Variants in CDIN1 observed in about 807,000 individuals in gnomAD.
CDIN1 encodes CDAN1-interacting nuclease 1.
In CDIN1, 33 loss-of-function variants were observed where a neutral mutation model predicts 45.3. The observed-to-expected ratio is 0.73, with a 90% confidence interval of 0.55 to 0.97. The LOEUF (loss-of-function observed/expected upper bound fraction) is 0.97, where lower values mean the gene tolerates loss of function less well. Ranked by LOEUF, CDIN1 falls within the 50% of genes least tolerant of loss-of-function variation. The pLI, the probability that CDIN1 is intolerant of heterozygous loss-of-function variation, is 0.00. For synonymous variants in CDIN1, 118 were observed against 124.4 expected, an observed-to-expected ratio of 0.95 and a Z score of 0.34; for missense variants, 303 against 339.4, an observed-to-expected ratio of 0.89 and a Z score of 0.84.
At chr15:36,635,579 C>A (rs2039864981) in intron 1 of CDIN1, among the ~76,000 whole-genome samples, 1 of 151,844 alleles carries the variant, frequency 6.6e-6, no homozygotes, top group African/African-American at 2.4e-5. Flanking sequence ...TAGTATGACA[C>A]ATAATGAGAG....
intron 1 of CDIN1, among the ~76,000 whole-genome samples, chr15:36,600,122 G>C (rs1371305565): frequency 2.0e-5 from 3 of 152,178 alleles, no homozygotes; most frequent in Non-Finnish European, 4.4e-5. Context: ...TTTGTCCCTG[G>C]AGAGGCCTCT....
At chr15:36,741,351 G>C (rs912135899) in intron 10 of CDIN1, among the ~76,000 whole-genome samples, 2 of 152,046 alleles carry the variant, frequency 1.3e-5, no homozygotes, top group African/African-American at 2.4e-5. Flanking sequence ...TCCTAGACTG[G>C]AGTATTTCCA....
At chr15:36,754,793 T>C (rs893696235) in intron 10 of CDIN1, among the ~76,000 whole-genome samples, 1 of 152,146 alleles carries the variant, frequency 6.6e-6, no homozygotes, top group African/African-American at 2.4e-5. Flanking sequence ...TTAACAATTA[T>C]AGTACCTGAA....
At chr15:36,729,983 C>T (rs1259001883) in intron 10 of CDIN1, among the ~76,000 whole-genome samples, 1 of 152,138 alleles carries the variant, frequency 6.6e-6, no homozygotes, top group Non-Finnish European at 1.5e-5. Flanking sequence ...AGCTTTATTT[C>T]AAGGTCTATG....
intron 1 of CDIN1, among the ~76,000 whole-genome samples, chr15:36,632,563 C>T (rs1229613930): frequency 1.3e-5 from 2 of 151,896 alleles, no homozygotes; most frequent in Admixed American, 1.3e-4. Context: ...AGTTCCTCCC[C>T]TTGCCCTACC....
At chr15:36,801,840 T>TTCC (rs770088220) in intron 10 of CDIN1, among the ~76,000 whole-genome samples, 4 of 152,234 alleles carry the variant, frequency 2.6e-5, no homozygotes, top group Non-Finnish European at 5.9e-5. Flanking sequence ...TGGGTTGCTT[T>TTCC]TCCATCTACT....
intron 1 of CDIN1, among the ~76,000 whole-genome samples, chr15:36,589,207 A>G (rs1480268172): frequency 1.3e-5 from 2 of 152,106 alleles, no homozygotes; most frequent in African/African-American, 4.8e-5. Context: ...TATTGGTTGA[A>G]TTTTCCTTAG....
At chr15:36,617,499 A>C in intron 1 of CDIN1, 1 of 880,180 alleles carries the variant, frequency 1.1e-6, no homozygotes, top group Admixed American at 1.7e-5. Context: ...AAAATTTGTC[A>C]AAGAATCTTT....
chr15:36,728,372 C>T (rs1438837485), intron 10 of CDIN1, among the ~76,000 whole-genome samples: 3 of 152,040 alleles, frequency 2.0e-5, no homozygotes, highest in African/African-American at 7.2e-5. Context: ...GAAGAGCAGA[C>T]ATTTGTTTGT....
rs548679385 is a variant in CDIN1 at position 36,610,431 on chromosome 15, T to C, written c.101+30470T>C. 1.2e-4 allele frequency among the ~76,000 whole-genome samples: 18 copies of C among 152,330 alleles called. No individual in the cohort carries two copies. In the South Asian group the frequency reaches 3.5e-3, roughly 30 times the overall value. On this transcript the variant is annotated intron_variant, in intron 1 of 10. Transcript: ENST00000566621. ...GTATGATTATCTAGACGTAGTTGTG[T>C]AGTATATCATCTTCTTTGGATAGTT...
chr15:36,751,229 T>TATATATATATA (rs1555404178), intron 10 of CDIN1, among the ~76,000 whole-genome samples: 1,613 of 97,380 alleles, frequency 0.017, 63 homozygotes, highest in East Asian at 0.047. Flanking sequence ...TATGCTTATT[T>TATATATATATA]TATATATATA....
intron 10 of CDIN1, chr15:36,747,128 A>T (rs76132866): frequency 7.1e-4 from 122 of 170,844 alleles, no homozygotes; most frequent in African/African-American, 2.9e-3. Flanking sequence ...TTAGTGCATT[A>T]AAAAAAAAAA....
chr15:36,588,464 A>C (rs1020870932), intron 1 of CDIN1, among the ~76,000 whole-genome samples: 3 of 152,180 alleles, frequency 2.0e-5, no homozygotes, highest in Admixed American at 2.0e-4. Flanking sequence ...ATAGCTTAGA[A>C]AGAGAGAGAA....
intron 10 of CDIN1, among the ~76,000 whole-genome samples, chr15:36,788,663 A>T (rs1156430915): frequency 6.6e-6 from 1 of 152,086 alleles, no homozygotes; most frequent in African/African-American, 2.4e-5. Flanking sequence ...TTACTTAAAT[A>T]TATTTTAATA....
At chr15:36,713,193 A>G (rs1035461358) in intron 10 of CDIN1, among the ~76,000 whole-genome samples, 2 of 152,136 alleles carry the variant, frequency 1.3e-5, no homozygotes, top group African/African-American at 4.8e-5. Context: ...GTCAGTTTGA[A>G]TGAAAATATT....
chr15:36,800,503 A>G (rs1190888808), intron 10 of CDIN1, among the ~76,000 whole-genome samples: 5 of 152,174 alleles, frequency 3.3e-5, no homozygotes, highest in Non-Finnish European at 7.3e-5. Context: ...GCATATAAAC[A>G]TGTGCAAGCA....
chr15:36,605,433 T>A (rs1323315265), intron 1 of CDIN1, among the ~76,000 whole-genome samples: 1 of 152,190 alleles, frequency 6.6e-6, no homozygotes, highest in Admixed American at 6.5e-5. Context: ...AAAAAGTTAG[T>A]TCTGTTAAAT....
chr15:36,719,042 A>G lies in CDIN1; in HGVS notation c.716+9081A>G, dbSNP rs944432310. On this transcript the variant is annotated intron_variant, in intron 10 of 10. Coordinates refer to ENST00000566621, the MANE Select transcript of CDIN1 (RefSeq NM_001321759.2). Reference sequence around the variant, plus strand: ...GGCTCAAGACCAGCCTGGGCAACATAGTGAGACCCTGTTTCTATTAAAAAA... The same window carrying G: ...GGCTCAAGACCAGCCTGGGCAACATGGTGAGACCCTGTTTCTATTAAAAAA... 2.0e-5 allele frequency among the ~76,000 whole-genome samples: 3 copies of G among 151,694 alleles called. No individual in the cohort carries two copies. In the South Asian group the frequency reaches 6.3e-4, roughly 32 times the overall value.
At chr15:36,659,624 G>GTTTTTTTTTTTT (rs752665522) in intron 5 of CDIN1, among the ~76,000 whole-genome samples, 1 of 129,070 alleles carries the variant, frequency 7.7e-6, no homozygotes. Context: ...GTCAGGTTTT[G>GTTTTTTTTTTTT]TTTTTTTTTT....
Sources: gnomAD v4.1 joint callset for allele counts (sites outside exome capture counted in the v4.1 genomes callset) on GRCh38, gnomAD v4.1.1 for gene constraint, MANE v1.5 for transcripts, NCBI Gene and HGNC (gene_info 2026-07-23, HGNC 2026-07-21) for gene names.